TNS3: variants seen among roughly 807,000 people sequenced by gnomAD.
TNS3 encodes tensin 3.
TNS3 carries 45 observed loss-of-function variants against 140.9 expected under a neutral mutation model. That is an observed-to-expected ratio of 0.32 (90% CI 0.25 to 0.41). The LOEUF (loss-of-function observed/expected upper bound fraction) is 0.41, where lower values mean the gene tolerates loss of function less well. Ranked by LOEUF, TNS3 falls within the 10% of genes least tolerant of loss-of-function variation. The probability of loss-of-function intolerance (pLI) is 1.00; values close to 1 mark genes in which losing one functional copy is unlikely to be tolerated. For synonymous variants in TNS3, 815 were observed against 788.4 expected, an observed-to-expected ratio of 1.03 and a Z score of -0.56; for missense variants, 1,716 against 1,906.7, an observed-to-expected ratio of 0.90 and a Z score of 1.86.
chr7:47,351,562 T>C (rs905299505), intron 17 of TNS3, among the ~76,000 whole-genome samples: 13 of 152,138 alleles, frequency 8.5e-5, no homozygotes, highest in Non-Finnish European at 1.6e-4. Context: ...CCAAGGTAGA[T>C]GCCCAGGAAG....
At chr7:47,352,603 TC>T (rs1208153348) in intron 17 of TNS3, among the ~76,000 whole-genome samples, 3 of 152,196 alleles carry the variant, frequency 2.0e-5, no homozygotes, top group Non-Finnish European at 4.4e-5. Context: ...CGCTGGCTGT[TC>T]CTGGAGGTCC....
At chr7:47,365,227 G>A (rs760783219) in intron 17 of TNS3, among the ~76,000 whole-genome samples, 82 of 150,056 alleles carry the variant, frequency 5.5e-4, no homozygotes, top group Non-Finnish European at 6.1e-4. Context: ...TGGGCAGATC[G>A]TGAGGTCGGG....
intron 17 of TNS3, among the ~76,000 whole-genome samples, chr7:47,357,552 T>C (rs1029986880): frequency 7.2e-5 from 11 of 152,182 alleles, no homozygotes; most frequent in Admixed American, 6.5e-4. Flanking sequence ...GTGGAGGGCA[T>C]AGCCTTAAAG....
chr7:47,492,028 A>T (rs1562800321), intron 3 of TNS3, among the ~76,000 whole-genome samples: 1 of 152,230 alleles, frequency 6.6e-6, no homozygotes, highest in Non-Finnish European at 1.5e-5. Flanking sequence ...TGATTTATTC[A>T]TGTTTAACAT....
At chr7:47,437,735 A>G (rs1206166657) in intron 6 of TNS3, among the ~76,000 whole-genome samples, 1 of 141,898 alleles carries the variant, frequency 7.0e-6, no homozygotes, top group Admixed American at 7.2e-5. Context: ...AAATATCCCA[A>G]CATATAGGAT....
chr7:47,529,096 T>G lies in TNS3; in HGVS notation c.-213A>C. 1 of 1,289,136 alleles carries G rather than the reference T, an allele frequency of 7.8e-7. No homozygotes were observed. The highest frequency in any genetic ancestry group is 1.2e-5 in the South Asian group (1 of 80,614). 79.9% of individuals were successfully genotyped at this position (1,289,136 alleles called of 1,614,324 possible). A position where few individuals can be genotyped will look rare whatever the true frequency, so the allele number is the denominator to read the frequency against. ...TTGCAAACTCCACACACTTTGGATT[T>G]TTTAAAGGCCTTGTTCTTAAAAGCG... On this transcript the variant is annotated 5_prime_UTR_variant, in exon 2 of 31. Coordinates refer to ENST00000311160, the MANE Select transcript of TNS3 (RefSeq NM_022748.12).
At chr7:47,441,935 A>T in intron 5 of TNS3, 68 bp downstream of exon 5, 3 of 1,151,592 alleles carry the variant, frequency 2.6e-6, no homozygotes, top group Non-Finnish European at 3.5e-6. Context: ...GCCATGCCCA[A>T]GTTTCCTCTG....
intron 26 of TNS3, among the ~76,000 whole-genome samples, chr7:47,292,363 A>G (rs41280693): frequency 4.1e-3 from 619 of 152,358 alleles, no homozygotes; most frequent in Admixed American, 7.9e-3. Flanking sequence ...GGAAAGTGGG[A>G]CATACGGTCA....
rs756630281 is a variant in TNS3 at position 47,529,087 on chromosome 7, C to CT, written c.-205dup. On this transcript the variant is annotated 5_prime_UTR_variant, in exon 2 of 31. Coordinates refer to ENST00000311160, the MANE Select transcript of TNS3 (RefSeq NM_022748.12). ...ATAATTTGTTTGCAAACTCCACACA[C>CT]TTTGGATTTTTTAAAGGCCTTGTTC... 1 of 1,289,110 alleles carries CT rather than the reference C, an allele frequency of 7.8e-7. No homozygotes were observed. Among genetic ancestry groups the CT allele is most frequent in the South Asian group, 1.2e-5 (1 of 80,666 alleles). The allele number at this position is 1,289,110 out of a possible 1,614,324, so 79.9% of individuals were successfully genotyped here.
intron 20 of TNS3, among the ~76,000 whole-genome samples, chr7:47,339,603 T>C (rs1327280995): frequency 6.6e-6 from 1 of 152,190 alleles, no homozygotes; most frequent in Non-Finnish European, 1.5e-5. Flanking sequence ...ATACAATAAG[T>C]CTTGAAATTA....
At chr7:47,352,410 T>G (rs911998349) in intron 17 of TNS3, among the ~76,000 whole-genome samples, 2 of 152,140 alleles carry the variant, frequency 1.3e-5, no homozygotes, top group African/African-American at 4.8e-5. Flanking sequence ...ACACCCACCC[T>G]GTGCTCCAAC....
At chr7:47,465,441 G>A (rs963103352) in intron 4 of TNS3, among the ~76,000 whole-genome samples, 1 of 152,106 alleles carries the variant, frequency 6.6e-6, no homozygotes, top group African/African-American at 2.4e-5. Flanking sequence ...CATCATCTGC[G>A]CCCTGCACAA....
At position 47,277,501 on chromosome 7, in the gene TNS3, C is replaced by A. The variant is rs1002652447; in HGVS notation, c.*575G>T. 6.1e-6 allele frequency: 1 copy of A among 163,020 alleles called. No individual in the cohort carries two copies. The allele number at this position is 163,020 out of a possible 1,614,324, so 10.1% of individuals were successfully genotyped here. Reference sequence around the variant, plus strand: ...CATCCTCACAGCCCATCGCAAAGGCCCCTCGTTGTAGGCCCTGCTGTGTTC... The same window carrying A: ...CATCCTCACAGCCCATCGCAAAGGCACCTCGTTGTAGGCCCTGCTGTGTTC... On this transcript the variant is annotated 3_prime_UTR_variant, in exon 31 of 31. Coordinates refer to ENST00000311160, the MANE Select transcript of TNS3 (RefSeq NM_022748.12).
chr7:47,468,539 G>A (rs1482644939), intron 4 of TNS3, among the ~76,000 whole-genome samples: 2 of 152,126 alleles, frequency 1.3e-5, no homozygotes, highest in Admixed American at 6.6e-5. Flanking sequence ...CTGCGTTTAA[G>A]GGCCTCTCCA....
intron 3 of TNS3, among the ~76,000 whole-genome samples, chr7:47,486,378 G>C (rs2151810291): frequency 6.6e-6 from 1 of 152,058 alleles, no homozygotes; most frequent in East Asian, 1.9e-4. Context: ...GTCTGTGTGT[G>C]TCTCCGTGTG....
chr7:47,291,898 A>G (rs947936552), intron 27 of TNS3, 57 bp downstream of exon 27: 2 of 1,568,828 alleles, frequency 1.3e-6, no homozygotes, highest in Non-Finnish European at 1.7e-6. Context: ...AAGTTGTGTC[A>G]GTGAGTCCTT....
chr7:47,384,715 T>C (rs1453045068), intron 16 of TNS3, among the ~76,000 whole-genome samples: 3 of 152,012 alleles, frequency 2.0e-5, no homozygotes, highest in Non-Finnish European at 4.4e-5. Context: ...ATCCAGCCCT[T>C]CCCTCAGCAC....
At chr7:47,433,396 A>C (rs542227311) in intron 8 of TNS3, among the ~76,000 whole-genome samples, 16 of 152,338 alleles carry the variant, frequency 1.1e-4, no homozygotes, top group African/African-American at 3.8e-4. Flanking sequence ...CCATTAGCAA[A>C]TCACTTCTGA....
chr7:47,411,755 G>A lies in TNS3; in HGVS notation c.695C>T (p.Pro232Leu), dbSNP rs1174118839. 1.2e-6 allele frequency: 2 copies of A among 1,613,024 alleles called. No homozygotes were observed. The highest frequency in any genetic ancestry group is 1.1e-5 in the South Asian group (1 of 90,676). ...NPSRICIVIE[P>L]AQLLKGDVMV... The stretch of plus-strand genomic sequence containing the variant: ...GACATCTCCCTTCAGAAGCTGGGCC[G>A]GCTCGATGACGATGCAGATCCTGCT... The change falls in exon 13 of 31, where the codon CCG (proline) becomes CTG (leucine). Residue 232 changes from proline (P) to leucine (L), a missense_variant. Pro to Leu is a moderately conservative substitution (Grantham distance 98, BLOSUM62 -3). This residue lies in a region of TNS3 where 337 missense variants were observed against 428.9 expected (regional missense o/e 0.79). Transcript: ENST00000311160.
Sources: allele counts gnomAD v4.1 joint callset (sites outside exome capture counted in the v4.1 genomes callset), GRCh38; gene constraint gnomAD v4.1.1; regional missense constraint gnomAD v4.1.1; transcripts MANE v1.5; gene names NCBI Gene and HGNC (gene_info 2026-07-23, HGNC 2026-07-21).